BABAM2: variants seen among roughly 807,000 people sequenced by gnomAD.
BABAM2 encodes BRISC and BRCA1 A complex member 2, also known as BRISC and BRCA1-A complex member 2.
A neutral mutation model predicts 54.7 loss-of-function variants in BABAM2; 31 were observed. The ratio of observed to expected loss-of-function variants is 0.57; its 90% CI spans 0.43 to 0.77. The LOEUF is 0.77. BABAM2 is among the 30% of genes least tolerant of loss of function. The probability of loss-of-function intolerance (pLI) is 0.00; values close to 1 mark genes in which losing one functional copy is unlikely to be tolerated. For synonymous variants in BABAM2, 167 were observed against 162.9 expected (o/e 1.03, Z -0.19); for missense variants, 364 against 455.8 (o/e 0.80, Z 1.83).
chr2:28,185,761 A>T (rs1174936457), intron 7 of BABAM2, among the ~76,000 whole-genome samples: 1 of 152,096 alleles, frequency 6.6e-6, no homozygotes, highest in East Asian at 1.9e-4. Context: ...AATTGCAGAA[A>T]TTTATGAAAA....
chr2:27,949,405 G>C (rs1027679502), intron 3 of BABAM2, among the ~76,000 whole-genome samples: 2 of 151,898 alleles, frequency 1.3e-5, no homozygotes, highest in African/African-American at 2.4e-5. Flanking sequence ...GTGGTGATGG[G>C]TGCCTGTGAT....
At chr2:28,016,823 C>T (rs1409051459) in intron 4 of BABAM2, among the ~76,000 whole-genome samples, 2 of 152,190 alleles carry the variant, frequency 1.3e-5, no homozygotes, top group Non-Finnish European at 2.9e-5. Context: ...GATATTCTTT[C>T]TTGTCTCCAC....
intron 7 of BABAM2, among the ~76,000 whole-genome samples, chr2:28,195,942 T>C (rs1418486907): frequency 6.6e-6 from 1 of 152,208 alleles, no homozygotes; most frequent in Non-Finnish European, 1.5e-5. Context: ...AGGTGGAAGA[T>C]GGTATGCTGT....
chr2:27,993,855 A>G (rs975303673), intron 4 of BABAM2, among the ~76,000 whole-genome samples: 2 of 152,076 alleles, frequency 1.3e-5, no homozygotes, highest in African/African-American at 2.4e-5. Context: ...TCATTGTGCT[A>G]CCTACAGAAG....
chr2:28,313,765 A>T (rs1689276393), intron 11 of BABAM2, among the ~76,000 whole-genome samples: 1 of 152,228 alleles, frequency 6.6e-6, no homozygotes, highest in African/African-American at 2.4e-5. Flanking sequence ...CAGAATATGT[A>T]CAAAGCACTG....
chr2:28,177,934 C>A (rs1338158219), intron 7 of BABAM2, among the ~76,000 whole-genome samples: 1 of 151,890 alleles, frequency 6.6e-6, no homozygotes, highest in Non-Finnish European at 1.5e-5. Flanking sequence ...AGATCAGTTC[C>A]ACAAGAGAAT....
chr2:28,044,871 G>A (rs1048765767), intron 5 of BABAM2, among the ~76,000 whole-genome samples: 1 of 151,994 alleles, frequency 6.6e-6, no homozygotes, highest in South Asian at 2.1e-4. Context: ...AGTGAGACAG[G>A]ATGGAAGACC....
intron 6 of BABAM2, among the ~76,000 whole-genome samples, chr2:28,072,736 G>C (rs753204089): frequency 1.3e-5 from 2 of 152,112 alleles, no homozygotes; most frequent in Non-Finnish European, 2.9e-5. Context: ...TTAGGCTCTT[G>C]GTATGCTCAT....
intron 6 of BABAM2, among the ~76,000 whole-genome samples, chr2:28,047,758 A>C (rs1292485566): frequency 6.6e-6 from 1 of 152,230 alleles, no homozygotes; most frequent in Non-Finnish European, 1.5e-5. Context: ...TCTACATTGC[A>C]ACACTAATGT....
Position 28,302,069 on chromosome 2 carries a change from T to C in BABAM2, c.1088+3578T>C, listed in dbSNP as rs116632229. On this transcript the variant is annotated intron_variant, in intron 11 of 11. Coordinates refer to ENST00000379624, the MANE Select transcript of BABAM2 (RefSeq NM_199191.3). ...AAATAATACAGATCATACTCTTTTG[T>C]GTCTGACACAATGAAATTTATCTTC... Among the ~76,000 whole-genome samples the C allele has an allele frequency of 4.1e-3, 623 of 152,322 alleles. 6 individuals carry two copies. The highest frequency in any genetic ancestry group is 0.013 in the African/African-American group (555 of 41,572).
chr2:27,910,546 G>A (rs1291557724), intron 2 of BABAM2, among the ~76,000 whole-genome samples: 1 of 152,082 alleles, frequency 6.6e-6, no homozygotes, highest in Non-Finnish European at 1.5e-5. Context: ...TCAGCACCTT[G>A]TACGTCCTCT....
chr2:27,927,876 C>G (rs1340828643), intron 2 of BABAM2, among the ~76,000 whole-genome samples: 1 of 145,346 alleles, frequency 6.9e-6, no homozygotes, highest in Non-Finnish European at 1.5e-5. Flanking sequence ...CAGAGTCTCA[C>G]TCTGTCACCC....
chr2:28,157,275 G>A (rs763454635), intron 7 of BABAM2, among the ~76,000 whole-genome samples: 1 of 152,148 alleles, frequency 6.6e-6, no homozygotes, highest in Non-Finnish European at 1.5e-5. Flanking sequence ...TTATCCAAAG[G>A]TGAGACTCCT....
At chr2:28,067,295 T>A (rs1032378363) in intron 6 of BABAM2, among the ~76,000 whole-genome samples, 1 of 152,184 alleles carries the variant, frequency 6.6e-6, no homozygotes, top group Non-Finnish European at 1.5e-5. Flanking sequence ...AGAAAGATAG[T>A]TAGATACTCA....
chr2:28,201,472 G>T (rs1244836694), intron 7 of BABAM2, among the ~76,000 whole-genome samples: 1 of 152,082 alleles, frequency 6.6e-6, no homozygotes, highest in Non-Finnish European at 1.5e-5. Context: ...GAGGAAGTCA[G>T]TGCACAGTCA....
intron 4 of BABAM2, among the ~76,000 whole-genome samples, chr2:27,996,953 G>A (rs1289135351): frequency 6.6e-6 from 1 of 152,024 alleles, no homozygotes; most frequent in East Asian, 1.9e-4. Flanking sequence ...GTCCCACCTG[G>A]AAGTCCTCTC....
At chr2:27,942,040 G>T (rs943036262) in intron 3 of BABAM2, among the ~76,000 whole-genome samples, 1 of 152,144 alleles carries the variant, frequency 6.6e-6, no homozygotes, top group African/African-American at 2.4e-5. Context: ...TTTTGTGTGT[G>T]TGTGTGCTTG....
chr2:28,327,528 T>A lies in BABAM2; in HGVS notation c.1089-10922T>A, dbSNP rs970295613. ...TTTGATGTCTAGAAATGGATCTCAG[T>A]CAGTTGTTGTTGAAGTCCTCCTAAA... On this transcript the variant is annotated intron_variant, in intron 11 of 11. Coordinates refer to ENST00000379624, the MANE Select transcript of BABAM2 (RefSeq NM_199191.3). 14 of 1,436,918 alleles carry A rather than the reference T, an allele frequency of 9.7e-6. No homozygotes were observed. The Admixed American group carries it at 2.2e-4, about 22-fold the overall frequency. 89.0% of individuals were successfully genotyped at this position (1,436,918 alleles called of 1,614,324 possible). A position where few individuals can be genotyped will look rare whatever the true frequency, so the allele number is the denominator to read the frequency against.
At chr2:27,918,069 AT>A (rs1279025922) in intron 2 of BABAM2, among the ~76,000 whole-genome samples, 1 of 152,182 alleles carries the variant, frequency 6.6e-6, no homozygotes, top group African/African-American at 2.4e-5. Flanking sequence ...AGTATTGCAA[AT>A]TTCCTACCAA....
Sources: gnomAD v4.1 joint callset for allele counts (sites outside exome capture counted in the v4.1 genomes callset) on GRCh38, gnomAD v4.1.1 for gene constraint, MANE v1.5 for transcripts, NCBI Gene and HGNC (gene_info 2026-07-23, HGNC 2026-07-21) for gene names.